FAM222A: variants seen among roughly 807,000 people sequenced by gnomAD.
The protein encoded by FAM222A is protein FAM222A.
FAM222A carries 7 observed loss-of-function variants against 25.8 expected under a neutral mutation model. That is an observed-to-expected ratio of 0.27 (90% CI 0.15 to 0.51). The LOEUF (loss-of-function observed/expected upper bound fraction) is 0.51. Among genes scored for constraint, FAM222A ranks in the 20% least tolerant of loss-of-function variants. The probability of loss-of-function intolerance (pLI) is 0.97; values close to 1 mark genes in which losing one functional copy is unlikely to be tolerated. For synonymous variants in FAM222A, 294 were observed against 298.8 expected (o/e 0.98, Z 0.17); for missense variants, 573 against 640.5 (o/e 0.89, Z 1.14).
In FAM222A at chr12:109,768,918, A is replaced by G. The variant is rs1335152321; in HGVS notation, c.989A>G (p.Asn330Ser). ...GAGCGGGCCAGCGGGTCACCCCTCAACTGTGGCGTGGGGCTGCCCACCAGC... is the reference window on the plus strand; with the variant it reads ...GAGCGGGCCAGCGGGTCACCCCTCAGCTGTGGCGTGGGGCTGCCCACCAGC... ...AYERASGSPL[N>S]CGVGLPTSFT... The change falls in exon 3 of 3, where the codon AAC (asparagine) becomes AGC (serine). Residue 330 changes from asparagine to serine, a missense_variant. Asn to Ser is a conservative substitution (Grantham distance 46, BLOSUM62 1). Coordinates refer to ENST00000538780, the MANE Select transcript of FAM222A (RefSeq NM_032829.3). 1.9e-6 allele frequency: 3 copies of G among 1,581,018 alleles called. No individual in the cohort carries two copies. The South Asian group carries it at 3.4e-5, about 18-fold the overall frequency.
chr12:109,756,380 C>A, intron 2 of FAM222A, among the ~76,000 whole-genome samples: 1 of 132,516 alleles, frequency 7.5e-6, no homozygotes, highest in Non-Finnish European at 1.6e-5. Context: ...TTACTTCTTT[C>A]TAATATGAAT....
chr12:109,725,902 G>A (rs1465789854), intron 1 of FAM222A, among the ~76,000 whole-genome samples: 2 of 151,836 alleles, frequency 1.3e-5, no homozygotes, highest in African/African-American at 2.4e-5. Context: ...GTTCCCGGGC[G>A]CCCGGATGGT....
intron 2 of FAM222A, among the ~76,000 whole-genome samples, chr12:109,756,392 C>CTTTTTTTTTTTTTTT (rs35171962): frequency 8.0e-6 from 1 of 124,388 alleles, no homozygotes; most frequent in Non-Finnish European, 1.7e-5. Flanking sequence ...AATATGAATG[C>CTTTTTTTTTTTTTTT]TTTTTTTTTT....
chr12:109,723,657 C>G (rs1029107078), intron 1 of FAM222A, among the ~76,000 whole-genome samples: 2 of 152,238 alleles, frequency 1.3e-5, no homozygotes, highest in African/African-American at 4.8e-5. Flanking sequence ...TGCTCCCACT[C>G]CTGGCGAAGG....
chr12:109,730,763 T>C (rs1887932687), intron 1 of FAM222A, among the ~76,000 whole-genome samples: 1 of 152,144 alleles, frequency 6.6e-6, no homozygotes, highest in Non-Finnish European at 1.5e-5. Flanking sequence ...CCTCTCACTC[T>C]CAAGGCACAC....
At chr12:109,741,743 A>G (rs1888245145) in intron 1 of FAM222A, among the ~76,000 whole-genome samples, 2 of 152,226 alleles carry the variant, frequency 1.3e-5, no homozygotes, top group South Asian at 4.1e-4. Flanking sequence ...TACAGGCCAG[A>G]GAGGGTCATT....
chr12:109,726,191 G>A (rs1887841185), intron 1 of FAM222A, among the ~76,000 whole-genome samples: 1 of 151,540 alleles, frequency 6.6e-6, no homozygotes, highest in Non-Finnish European at 1.5e-5. Flanking sequence ...ACCAGACTTG[G>A]TTTCAAATCC....
At chr12:109,723,210 G>A (rs1887781878) in intron 1 of FAM222A, among the ~76,000 whole-genome samples, 1 of 152,198 alleles carries the variant, frequency 6.6e-6, no homozygotes, top group African/African-American at 2.4e-5. Context: ...GAAGCCCTCT[G>A]AAAAGGTTCC....
At chr12:109,744,446 G>A in intron 2 of FAM222A, 1 of 985,408 alleles carries the variant, frequency 1.0e-6, no homozygotes, top group Non-Finnish European at 1.2e-6. Flanking sequence ...TCTCAACTCT[G>A]GCTTGACCTC....
chr12:109,769,317 G>A lies in FAM222A; in HGVS notation c.*29G>A, dbSNP rs372263353. 670 of 1,569,194 alleles carry A rather than the reference G, an allele frequency of 4.3e-4. 1 individual carries two copies. The African/African-American group carries it at 7.1e-3, about 17-fold the overall frequency. ...CTGCCCTGCGGACATACGGACATGC[G>A]GACAGGGCGCAGAGCCGGGAGGCAG... On this transcript the variant is annotated 3_prime_UTR_variant, in exon 3 of 3. Coordinates refer to ENST00000538780, the MANE Select transcript of FAM222A (RefSeq NM_032829.3).
intron 1 of FAM222A, among the ~76,000 whole-genome samples, chr12:109,739,598 C>T (rs1336581726): frequency 6.6e-6 from 1 of 152,150 alleles, no homozygotes. Flanking sequence ...CCCCTCCTCT[C>T]ACCCCTTCCT....
Position 109,769,363 on chromosome 12 carries a change from G to A in FAM222A, c.*75G>A. ...GGCAGGCCGCAGAACAGGGTGGGCGGCTCGCAGGGGCGCTCAGCCCCACCC... is the reference window on the plus strand; with the variant it reads ...GGCAGGCCGCAGAACAGGGTGGGCGACTCGCAGGGGCGCTCAGCCCCACCC... On this transcript the variant is annotated 3_prime_UTR_variant, in exon 3 of 3. Transcript: ENST00000538780. 6.8e-7 allele frequency: 1 copy of A among 1,464,308 alleles called. No homozygotes were observed. The highest frequency in any genetic ancestry group is 1.4e-5 in the South Asian group (1 of 73,094). 90.7% of individuals were successfully genotyped at this position (1,464,308 alleles called of 1,614,324 possible).
At position 109,723,507 on chromosome 12, in the gene FAM222A, G is replaced by A. The variant is rs141713634; in HGVS notation, c.-47+8610G>A. On this transcript the variant is annotated intron_variant, in intron 1 of 2. Coordinates refer to ENST00000538780, the MANE Select transcript of FAM222A (RefSeq NM_032829.3). ...CCACCCTTCTCCTGTCCTGGGTCCC[G>A]GGCCCAGTCCCTGGCAGGGCCAGAC... is the stretch of plus-strand genomic sequence containing the variant. Among the ~76,000 whole-genome samples the A allele has an allele frequency of 5.2e-3, 797 of 152,160 alleles. 7 individuals carry two copies. The highest frequency in any genetic ancestry group is 0.018 in the African/African-American group (756 of 41,496).
chr12:109,726,650 C>A (rs79945126), intron 1 of FAM222A, among the ~76,000 whole-genome samples: 1 of 152,228 alleles, frequency 6.6e-6, no homozygotes, highest in South Asian at 2.1e-4. Context: ...GGGCTCAGGC[C>A]TGGCTTGATG....
intron 1 of FAM222A, among the ~76,000 whole-genome samples, chr12:109,721,967 G>A (rs145813291): frequency 3.9e-5 from 6 of 152,280 alleles, no homozygotes; most frequent in South Asian, 2.1e-4. Context: ...GTAGGGTCAC[G>A]CACTTGTTGG....
chr12:109,749,007 CATT>C (rs993178007), intron 2 of FAM222A, among the ~76,000 whole-genome samples: 1 of 152,038 alleles, frequency 6.6e-6, no homozygotes, highest in Non-Finnish European at 1.5e-5. Flanking sequence ...GTAGTATTTT[CATT>C]ATTATTATTT....
At chr12:109,761,294 G>T (rs1361028953) in intron 2 of FAM222A, among the ~76,000 whole-genome samples, 2 of 152,104 alleles carry the variant, frequency 1.3e-5, no homozygotes, top group Admixed American at 6.5e-5. Flanking sequence ...ACCAAGGTGG[G>T]TGGCGAGCCA....
At chr12:109,720,752 A>C (rs990763778) in intron 1 of FAM222A, among the ~76,000 whole-genome samples, 2 of 152,198 alleles carry the variant, frequency 1.3e-5, no homozygotes, top group African/African-American at 4.8e-5. Flanking sequence ...GGTGGTGTGT[A>C]CCTACCGAGG....
intron 2 of FAM222A, among the ~76,000 whole-genome samples, chr12:109,758,027 G>T (rs1323997154): frequency 1.3e-5 from 2 of 152,216 alleles, no homozygotes; most frequent in African/African-American, 2.4e-5. Context: ...AAGAAAGTCA[G>T]GCTGGAGAGG....
Sources: allele counts gnomAD v4.1 joint callset (sites outside exome capture counted in the v4.1 genomes callset), GRCh38; gene constraint gnomAD v4.1.1; transcripts MANE v1.5; gene names NCBI Gene and HGNC (gene_info 2026-07-23, HGNC 2026-07-21).